The following TRDN variants were observed in gnomAD, a reference collection of about 807,000 sequenced individuals.
TRDN encodes the protein triadin, also known as triadin in skeletal muscle.
Under a neutral mutation model 149.7 loss-of-function variants are expected in TRDN, and 161 were observed. The observed-to-expected ratio is 1.08, with a 90% confidence interval of 0.95 to 1.23. TRDN has a LOEUF of 1.23. TRDN is among the 50% of genes most tolerant of loss of function. The pLI, the probability that TRDN is intolerant of heterozygous loss-of-function variation, is 0.00. For synonymous variants in TRDN, 294 were observed against 250.5 expected, an observed-to-expected ratio of 1.17 and a Z score of -1.64; for missense variants, 896 against 823.5, an observed-to-expected ratio of 1.09 and a Z score of -1.08.
chr6:123,478,488 C>G (rs921101824), intron 9 of TRDN, among the ~76,000 whole-genome samples: 3 of 152,090 alleles, frequency 2.0e-5, no homozygotes, highest in Non-Finnish European at 4.4e-5. Context: ...TTTCTATCAA[C>G]TCCACAGAAA....
At chr6:123,524,467 T>A (rs4998058) in intron 5 of TRDN, among the ~76,000 whole-genome samples, 23 of 151,918 alleles carry the variant, frequency 1.5e-4, no homozygotes, top group Non-Finnish European at 3.2e-4. Context: ...AGGATATTCA[T>A]GACATTCTTA....
chr6:123,257,518 C>G (rs1248840504), intron 35 of TRDN, among the ~76,000 whole-genome samples: 1 of 152,072 alleles, frequency 6.6e-6, no homozygotes, highest in African/African-American at 2.4e-5. Flanking sequence ...GTTTTGGTAC[C>G]AGTACCATGC....
rs543939508 is a variant in TRDN, at chr6:123,358,891, TC to T, written c.1322-6306del. Among the ~76,000 whole-genome samples, 1,487 of 152,264 alleles carry T rather than the reference TC, an allele frequency of 9.8e-3. 13 individuals carry two copies. Among genetic ancestry groups the T allele is most frequent in the Non-Finnish European group, 0.014 (944 of 68,032 alleles). ...AGAAAATATTGTGCCGTTTGAAGTG[TC>T]CCTCATATGACACATATTACTTCGG... is the stretch of plus-strand genomic sequence containing the variant. On this transcript the variant is annotated intron_variant, in intron 20 of 40. Transcript: ENST00000334268.
At chr6:123,537,093 A>G (rs1322717550) in intron 4 of TRDN, among the ~76,000 whole-genome samples, 1 of 152,172 alleles carries the variant, frequency 6.6e-6, no homozygotes, top group Non-Finnish European at 1.5e-5. Context: ...ACTATAAGTA[A>G]GTATATTATG....
chr6:123,244,375 G>A (rs1402678846), intron 38 of TRDN, among the ~76,000 whole-genome samples: 2 of 152,116 alleles, frequency 1.3e-5, no homozygotes, highest in Non-Finnish European at 2.9e-5. Context: ...CTGCTAACTA[G>A]AATAACCAGT....
chr6:123,436,731 G>A (rs1355726968), intron 12 of TRDN, among the ~76,000 whole-genome samples: 1 of 151,956 alleles, frequency 6.6e-6, no homozygotes, highest in African/African-American at 2.4e-5. Flanking sequence ...CTTCGTTTAA[G>A]CTTACCTACC....
chr6:123,275,864 A>C (rs985805512), intron 26 of TRDN, among the ~76,000 whole-genome samples: 1 of 152,178 alleles, frequency 6.6e-6, no homozygotes, highest in Non-Finnish European at 1.5e-5. Context: ...CTATAATAGA[A>C]TATCACAGAC....
chr6:123,323,804 T>G (rs1383983238), intron 23 of TRDN, among the ~76,000 whole-genome samples: 1 of 152,228 alleles, frequency 6.6e-6, no homozygotes, highest in Non-Finnish European at 1.5e-5. Context: ...TGTACCACAC[T>G]TCTGATAGTG....
chr6:123,343,063 C>A (rs1000200411), intron 21 of TRDN, among the ~76,000 whole-genome samples: 14 of 151,972 alleles, frequency 9.2e-5, no homozygotes, highest in African/African-American at 2.9e-4. Context: ...AATTTGTAAT[C>A]TTTGTGTGGC....
intron 21 of TRDN, chr6:123,349,656 T>C: frequency 4.2e-6 from 4 of 953,104 alleles, no homozygotes. Context: ...TTTTTATAAC[T>C]TTGGTACACC....
At chr6:123,635,468 A>G (rs1786261266) in intron 1 of TRDN, among the ~76,000 whole-genome samples, 1 of 151,894 alleles carries the variant, frequency 6.6e-6, no homozygotes, top group Non-Finnish European at 1.5e-5. Context: ...TGCCTACTTA[A>G]TTGAATTGTG....
chr6:123,549,590 A>C (rs1482734842), intron 2 of TRDN, among the ~76,000 whole-genome samples: 1 of 152,084 alleles, frequency 6.6e-6, no homozygotes. Context: ...AGTACATCTA[A>C]TTAGGCTTTT....
At chr6:123,234,245 G>A (rs568503603) in intron 38 of TRDN, among the ~76,000 whole-genome samples, 16 of 152,032 alleles carry the variant, frequency 1.1e-4, no homozygotes, top group African/African-American at 3.4e-4. Context: ...TTCCATTTCA[G>A]CATGTGACCT....
intron 1 of TRDN, among the ~76,000 whole-genome samples, chr6:123,591,265 G>A (rs1382476910): frequency 2.0e-5 from 3 of 151,736 alleles, no homozygotes; most frequent in South Asian, 2.1e-4. Context: ...TTTTCTTTGA[G>A]ATGGAATTTC....
chr6:123,416,698 C>CTTT (rs139842688), intron 12 of TRDN, among the ~76,000 whole-genome samples: 47,790 of 144,638 alleles, frequency 0.33, 8,273 homozygotes, highest in Middle Eastern at 0.43. Flanking sequence ...TTCTTTTCCT[C>CTTT]TTTTTTTCTT....
chr6:123,371,264 G>A (rs1781316410), intron 19 of TRDN, among the ~76,000 whole-genome samples: 1 of 152,004 alleles, frequency 6.6e-6, no homozygotes, highest in Admixed American at 6.6e-5. Context: ...TTATATTTTT[G>A]TATTGAATAC....
chr6:123,271,708 A>G (rs898493756), intron 29 of TRDN, among the ~76,000 whole-genome samples: 2 of 151,968 alleles, frequency 1.3e-5, no homozygotes, highest in African/African-American at 4.8e-5. Context: ...GTTTGGGTCA[A>G]AGTAAAGAGA....
intron 2 of TRDN, among the ~76,000 whole-genome samples, chr6:123,565,388 G>A (rs969584855): frequency 4.6e-5 from 7 of 152,100 alleles, no homozygotes; most frequent in Non-Finnish European, 8.8e-5. Flanking sequence ...ATAACAGAGC[G>A]ATCATACACC....
At chr6:123,220,606 A>C (rs1430119923) in intron 40 of TRDN, among the ~76,000 whole-genome samples, 1 of 151,802 alleles carries the variant, frequency 6.6e-6, no homozygotes, top group Non-Finnish European at 1.5e-5. Flanking sequence ...TAGTTCCAGC[A>C]TCCAAAGAAG....
Sources: gnomAD v4.1 joint callset for allele counts (sites outside exome capture counted in the v4.1 genomes callset) on GRCh38, gnomAD v4.1.1 for gene constraint, MANE v1.5 for transcripts, NCBI Gene and HGNC (gene_info 2026-07-23, HGNC 2026-07-21) for gene names.